The following ANKRD29 variants were observed in gnomAD, a reference collection of about 807,000 sequenced individuals.
ANKRD29 encodes the protein ankyrin repeat domain-containing protein 29.
ANKRD29 carries 32 observed loss-of-function variants against 38.0 expected under a neutral mutation model. The ratio of observed to expected loss-of-function variants is 0.84; its 90% CI spans 0.64 to 1.13. ANKRD29 has a LOEUF of 1.13. ANKRD29 is among the 50% of genes most tolerant of loss of function. The pLI is 0.00. For synonymous variants in ANKRD29, 135 were observed against 152.4 expected, an observed-to-expected ratio of 0.89 and a Z score of 0.84; for missense variants, 357 against 377.9, an observed-to-expected ratio of 0.94 and a Z score of 0.46.
chr18:23,616,790 A>G (rs898255408), intron 8 of ANKRD29, among the ~76,000 whole-genome samples: 3 of 147,218 alleles, frequency 2.0e-5, no homozygotes, highest in Non-Finnish European at 4.5e-5. Flanking sequence ...TAAATAATAT[A>G]ATATAATAAA....
intron 1 of ANKRD29, among the ~76,000 whole-genome samples, chr18:23,656,250 T>C (rs916348600): frequency 1.3e-5 from 2 of 151,984 alleles, no homozygotes; most frequent in Admixed American, 6.6e-5. Flanking sequence ...CCATCAAAAG[T>C]AGACGCAAAG....
rs568180892 is a variant in ANKRD29, at chr18:23,626,422, ATG to A, written c.528+3429_528+3430del. On this transcript the variant is annotated intron_variant, in intron 6 of 9. Transcript: ENST00000592179. Reference sequence around the variant, plus strand: ...TGGGTGAGTGGAGTTGGGAAAATATATGTCGAGGCATTTGGTTAATAGAAAAA... The same window carrying A: ...TGGGTGAGTGGAGTTGGGAAAATATATCGAGGCATTTGGTTAATAGAAAAA... Among the ~76,000 whole-genome samples the A allele has an allele frequency of 1.4e-4, 22 of 152,342 alleles. No homozygotes were observed. In the South Asian group the frequency reaches 3.9e-3, roughly 27 times the overall value.
At chr18:23,637,267 TA>T (rs922626395) in intron 4 of ANKRD29, among the ~76,000 whole-genome samples, 4 of 152,330 alleles carry the variant, frequency 2.6e-5, no homozygotes, top group Admixed American at 6.5e-5. Context: ...ACTAATAATG[TA>T]AAAAAATATA....
Position 23,662,701 on chromosome 18 carries a change from G to T in ANKRD29, c.21+9C>A. On this transcript the variant is annotated intron_variant, in intron 1 of 9. Coordinates refer to ENST00000592179, the MANE Select transcript of ANKRD29 (RefSeq NM_173505.4). ...CCCCAGCCCTGACCCCGGAGTCCCG[G>T]TCGCTCACCTTGAAGGACATCCTGC... 1.4e-6 allele frequency: 2 copies of T among 1,463,182 alleles called. No individual in the cohort carries two copies. The highest frequency in any genetic ancestry group is 1.8e-6 in the Non-Finnish European group (2 of 1,113,548). The allele number at this position is 1,463,182 out of a possible 1,614,324, so 90.6% of individuals were successfully genotyped here. A position where few individuals can be genotyped will look rare whatever the true frequency, so the allele number is the denominator to read the frequency against.
intron 3 of ANKRD29, among the ~76,000 whole-genome samples, chr18:23,644,915 A>C (rs2060119506): frequency 6.6e-6 from 1 of 152,206 alleles, no homozygotes; most frequent in Non-Finnish European, 1.5e-5. Flanking sequence ...TATGTTGCCC[A>C]GGCCTATGTT....
chr18:23,634,220 C>T, intron 4 of ANKRD29, 71 bp from the exon 5 acceptor site: 1 of 1,099,264 alleles, frequency 9.1e-7, no homozygotes, highest in Non-Finnish European at 1.3e-6. Context: ...ATGTTCCTCA[C>T]ATACATAGAA....
At chr18:23,658,836 G>A (rs917421197) in intron 1 of ANKRD29, among the ~76,000 whole-genome samples, 2 of 152,160 alleles carry the variant, frequency 1.3e-5, no homozygotes, top group African/African-American at 4.8e-5. Context: ...GTGAGGAAAC[G>A]GGGCATGCAC....
chr18:23,613,164 ATTTTTTTTTT>A (rs546475443), intron 8 of ANKRD29, among the ~76,000 whole-genome samples: 2 of 99,058 alleles, frequency 2.0e-5, no homozygotes, highest in Non-Finnish European at 3.8e-5. Context: ...ACGGGTCAGA[ATTTTTTTTTT>A]TTTTTTTTTT....
chr18:23,607,034 G>A (rs555914015), intron 9 of ANKRD29, among the ~76,000 whole-genome samples: 1 of 152,304 alleles, frequency 6.6e-6, no homozygotes, highest in South Asian at 2.1e-4. Context: ...GATCCTAGGT[G>A]AAACTTCTGC....
At chr18:23,641,690 G>A (rs1025141777) in intron 3 of ANKRD29, among the ~76,000 whole-genome samples, 1 of 152,164 alleles carries the variant, frequency 6.6e-6, no homozygotes, top group Admixed American at 6.5e-5. Flanking sequence ...GCTTCCCATG[G>A]ACCAATCAGC....
chr18:23,605,316 C>T (rs2059561894), intron 9 of ANKRD29, among the ~76,000 whole-genome samples: 1 of 151,988 alleles, frequency 6.6e-6, no homozygotes, highest in Non-Finnish European at 1.5e-5. Flanking sequence ...TCATGACAGC[C>T]TCAAACTCTC....
intron 9 of ANKRD29, among the ~76,000 whole-genome samples, chr18:23,610,877 G>T (rs1204438474): frequency 1.3e-5 from 2 of 151,528 alleles, no homozygotes; most frequent in African/African-American, 4.8e-5. Flanking sequence ...GACAGGCTTC[G>T]CCATGTTGCC....
chr18:23,647,543 GAGTCGA>G (rs2060155381), intron 2 of ANKRD29: 1 of 145,140 alleles, frequency 6.9e-6, no homozygotes, highest in East Asian at 2.0e-4. Flanking sequence ...TTTTTTTTTT[GAGTCGA>G]AGTCTCGCCT....
At chr18:23,626,558 T>C (rs968700030) in intron 6 of ANKRD29, among the ~76,000 whole-genome samples, 1 of 152,244 alleles carries the variant, frequency 6.6e-6, no homozygotes, top group African/African-American at 2.4e-5. Context: ...GAAATCTATA[T>C]TTCAATGATC....
At chr18:23,631,875 G>A (rs1273920747) in intron 5 of ANKRD29, among the ~76,000 whole-genome samples, 1 of 152,192 alleles carries the variant, frequency 6.6e-6, no homozygotes, top group Non-Finnish European at 1.5e-5. Context: ...CCTTCAGCCT[G>A]ACAACATTCG....
intron 9 of ANKRD29, among the ~76,000 whole-genome samples, chr18:23,602,445 C>T (rs1055213589): frequency 2.6e-5 from 4 of 152,130 alleles, no homozygotes; most frequent in African/African-American, 9.7e-5. Context: ...CAGTATCACT[C>T]GAAGGCCTTT....
chr18:23,619,342 C>T (rs575514446), intron 7 of ANKRD29, 189 bp downstream of exon 7: 1 of 602,602 alleles, frequency 1.7e-6, no homozygotes, highest in African/African-American at 1.9e-5. Context: ...CTAGTGCGTC[C>T]CAAGGTCATC....
intron 9 of ANKRD29, among the ~76,000 whole-genome samples, chr18:23,605,392 G>A (rs1220370626): frequency 1.3e-5 from 2 of 151,898 alleles, no homozygotes; most frequent in African/African-American, 4.8e-5. Context: ...TGGAGAGATA[G>A]GGTCTTGCTA....
intron 8 of ANKRD29, among the ~76,000 whole-genome samples, chr18:23,615,048 G>T (rs1436869054): frequency 1.3e-5 from 2 of 152,186 alleles, no homozygotes; most frequent in South Asian, 2.1e-4. Flanking sequence ...CAGAGGCAGG[G>T]TTTCACTCCG....
Sources: allele counts gnomAD v4.1 joint callset (sites outside exome capture counted in the v4.1 genomes callset), GRCh38; gene constraint gnomAD v4.1.1; transcripts MANE v1.5; gene names NCBI Gene and HGNC (gene_info 2026-07-23, HGNC 2026-07-21).